LASP1: variants seen among roughly 807,000 people sequenced by gnomAD.
LASP1 encodes the protein LIM and SH3 protein 1.
A neutral mutation model predicts 38.6 loss-of-function variants in LASP1; 10 were observed. That is an observed-to-expected ratio of 0.26 (90% CI 0.16 to 0.44). LASP1 has a LOEUF of 0.44. LASP1 is among the 20% of genes least tolerant of loss of function. The probability of loss-of-function intolerance (pLI) is 1.00; values close to 1 mark genes in which losing one functional copy is unlikely to be tolerated. For missense variants in LASP1, 243 were observed against 375.7 expected (o/e 0.65, Z 2.92); for synonymous variants, 132 against 140.8 (o/e 0.94, Z 0.44).
At chr17:38,911,374 C>G (rs564998210) in intron 4 of LASP1, among the ~76,000 whole-genome samples, 91 of 152,334 alleles carry the variant, frequency 6.0e-4, no homozygotes, top group Non-Finnish European at 1.1e-3. Flanking sequence ...CCTTCCCTCC[C>G]TACCACCATG....
intron 3 of LASP1, among the ~76,000 whole-genome samples, chr17:38,892,559 C>T (rs1407570679): frequency 1.4e-5 from 2 of 145,656 alleles, no homozygotes; most frequent in African/African-American, 5.3e-5. Context: ...GAGACACACA[C>T]ACACACACAC....
In LASP1 at chr17:38,920,814, G is replaced by C. The variant is rs528699141; in HGVS notation, c.*2036G>C. 1.3e-5 allele frequency: 3 copies of C among 233,048 alleles called. No homozygotes were observed. Among genetic ancestry groups the C allele is most frequent in the Admixed American group, 1.1e-4 (2 of 17,762 alleles). The allele number at this position is 233,048 out of a possible 1,614,324, so 14.4% of individuals were successfully genotyped here. A position where few individuals can be genotyped will look rare whatever the true frequency, so the allele number is the denominator to read the frequency against. ...CTCGGGGAGGCAGAGAATCTCTTGG[G>C]AGTCTTGGGTGGCGCTGGTGCATTC... On this transcript the variant is annotated 3_prime_UTR_variant, in exon 7 of 7. Coordinates refer to ENST00000318008, the MANE Select transcript of LASP1 (RefSeq NM_006148.4).
chr17:38,876,863 T>A (rs1053829036), intron 1 of LASP1, among the ~76,000 whole-genome samples: 1 of 151,982 alleles, frequency 6.6e-6, no homozygotes, highest in African/African-American at 2.4e-5. Context: ...CCACCACGCC[T>A]GGCTAATTTT....
chr17:38,889,421 C>T (rs1182199240), intron 2 of LASP1, among the ~76,000 whole-genome samples: 5 of 152,164 alleles, frequency 3.3e-5, no homozygotes, highest in African/African-American at 7.2e-5. Flanking sequence ...TGAGCCACTG[C>T]GCCCGGCCTA....
rs1915259613 is a variant in LASP1 at position 38,920,164 on chromosome 17, A to G, written c.*1386A>G. On this transcript the variant is annotated 3_prime_UTR_variant, in exon 7 of 7. Transcript: ENST00000318008. ...GAGTTGGGGCTGCCATAGGGTCTGCAGCCTGCTGGGGCTAAGCGGTGGAGG... is the reference window on the plus strand; with the variant it reads ...GAGTTGGGGCTGCCATAGGGTCTGCGGCCTGCTGGGGCTAAGCGGTGGAGG... The G allele has an allele frequency of 3.8e-6, 2 of 531,664 alleles. No individual in the cohort carries two copies. Among genetic ancestry groups the G allele is most frequent in the Admixed American group, 2.2e-5 (1 of 44,804 alleles). The allele number at this position is 531,664 out of a possible 1,614,324, so 32.9% of individuals were successfully genotyped here.
rs891463754 is a variant in LASP1 at position 38,875,156 on chromosome 17, GAGGCAGGGGCCC to G, written c.70-2918_70-2907del. Reference sequence around the variant, plus strand: ...TGGCAGGCCCCTGTGGGGGTAGGGGGAGGCAGGGGCCCAGGCAGGGGCCTAGGCAGGGGCCTG... The same window carrying G: ...TGGCAGGCCCCTGTGGGGGTAGGGGGAGGCAGGGGCCTAGGCAGGGGCCTG... On this transcript the variant is annotated intron_variant, in intron 1 of 6. Coordinates refer to ENST00000318008, the MANE Select transcript of LASP1 (RefSeq NM_006148.4). Among the ~76,000 whole-genome samples, 14 of 151,918 alleles carry G rather than the reference GAGGCAGGGGCCC, an allele frequency of 9.2e-5. No homozygotes were observed. In the South Asian group the frequency reaches 1.5e-3, roughly 16 times the overall value.
chr17:38,919,053 A>G lies in LASP1; in HGVS notation c.*275A>G. 2.7e-5 allele frequency: 6 copies of G among 220,962 alleles called. No individual in the cohort carries two copies. The highest frequency in any genetic ancestry group is 8.3e-5 in the Admixed American group (1 of 12,098). The allele number at this position is 220,962 out of a possible 1,614,324, so 13.7% of individuals were successfully genotyped here. ...GGGGGAGGCAGGGCTGGAATGGGAGACCTGTTGGCCTGTGGGCCTCACCTG... is the reference window on the plus strand; with the variant it reads ...GGGGGAGGCAGGGCTGGAATGGGAGGCCTGTTGGCCTGTGGGCCTCACCTG... On this transcript the variant is annotated 3_prime_UTR_variant, in exon 7 of 7. Coordinates refer to ENST00000318008, the MANE Select transcript of LASP1 (RefSeq NM_006148.4).
chr17:38,911,228 A>G (rs1005654), intron 4 of LASP1, among the ~76,000 whole-genome samples: 2 of 152,038 alleles, frequency 1.3e-5, no homozygotes, highest in East Asian at 3.9e-4. Context: ...CCCAGGTGCT[A>G]TGGAAGCCCT....
chr17:38,914,409 GAC>G lies in LASP1; in HGVS notation c.443_444del (p.Asp148GlyfsTer64), dbSNP rs1484999480. The G allele has an allele frequency of 6.2e-7, 1 of 1,611,866 alleles. No individual in the cohort carries two copies. The highest frequency in any genetic ancestry group is 2.2e-5 in the East Asian group (1 of 44,882). On this transcript the variant is annotated frameshift_variant, in exon 5 of 7. Coordinates refer to ENST00000318008, the MANE Select transcript of LASP1 (RefSeq NM_006148.4). LOFTEE classifies it high-confidence loss of function. ...GMEPERRDSQ[D>X]GSSYRRPLEQ... ...GGAGCCAGAGCGTCGGGATTCACAG[GAC>G]GGCAGCAGCTACCGGCGGCCCCTGG... is the stretch of plus-strand genomic sequence containing the variant.
chr17:38,911,082 T>C (rs568981450), intron 4 of LASP1, among the ~76,000 whole-genome samples: 4 of 152,272 alleles, frequency 2.6e-5, no homozygotes, highest in Non-Finnish European at 5.9e-5. Flanking sequence ...TCTGTTCTCT[T>C]CAGCCAGTCC....
chr17:38,894,754 T>C (rs1914438937), intron 3 of LASP1, among the ~76,000 whole-genome samples: 1 of 152,130 alleles, frequency 6.6e-6, no homozygotes, highest in South Asian at 2.1e-4. Context: ...TTGTATTTTT[T>C]TGAGACAGGG....
At chr17:38,911,714 C>G (rs566659920) in intron 4 of LASP1, among the ~76,000 whole-genome samples, 9 of 152,290 alleles carry the variant, frequency 5.9e-5, no homozygotes, top group South Asian at 2.1e-4. Flanking sequence ...CTCCCTCCCC[C>G]ATAAATAGGC....
intron 2 of LASP1, among the ~76,000 whole-genome samples, chr17:38,882,765 T>C (rs1377703443): frequency 6.6e-6 from 1 of 152,156 alleles, no homozygotes; most frequent in African/African-American, 2.4e-5. Context: ...TTTAGGGCCC[T>C]ACTGACAGGA....
At chr17:38,903,356 A>C (rs1341509237) in intron 4 of LASP1, among the ~76,000 whole-genome samples, 1 of 152,094 alleles carries the variant, frequency 6.6e-6, no homozygotes, top group African/African-American at 2.4e-5. Context: ...GGGATAAATG[A>C]TATCACTCTT....
chr17:38,900,320 T>C (rs571101458), intron 4 of LASP1, among the ~76,000 whole-genome samples: 12 of 143,200 alleles, frequency 8.4e-5, no homozygotes, highest in South Asian at 4.4e-4. Flanking sequence ...TTTGAGGTTA[T>C]AGTGAGCCGT....
chr17:38,902,013 C>T (rs542989124), intron 4 of LASP1, among the ~76,000 whole-genome samples: 19 of 152,206 alleles, frequency 1.2e-4, no homozygotes, highest in African/African-American at 3.9e-4. Flanking sequence ...GTGATCCACC[C>T]GCCTCGGCCT....
At chr17:38,890,838 G>A (rs1425752079) in intron 3 of LASP1, among the ~76,000 whole-genome samples, 3 of 152,168 alleles carry the variant, frequency 2.0e-5, no homozygotes, top group Non-Finnish European at 4.4e-5. Flanking sequence ...GGTTTGGGGA[G>A]GACCAGGGAA....
At chr17:38,914,200 G>A in intron 4 of LASP1, 125 bp from the exon 5 acceptor site, 7 of 1,151,928 alleles carry the variant, frequency 6.1e-6, no homozygotes, top group Middle Eastern at 2.9e-4. Context: ...CTTCCAGAGC[G>A]AGACCTGGCT....
intron 4 of LASP1, among the ~76,000 whole-genome samples, chr17:38,902,575 G>A (rs778696011): frequency 6.6e-6 from 1 of 151,738 alleles, no homozygotes; most frequent in African/African-American, 2.4e-5. Context: ...TGGAAAATAG[G>A]GTGTTTAGAG....
Sources: allele counts gnomAD v4.1 joint callset (sites outside exome capture counted in the v4.1 genomes callset), GRCh38; gene constraint gnomAD v4.1.1; transcripts MANE v1.5; gene names NCBI Gene and HGNC (gene_info 2026-07-23, HGNC 2026-07-21).